The following RELN variants were observed in gnomAD, a reference collection of about 807,000 sequenced individuals.
The protein encoded by RELN is reelin.
RELN carries 108 observed loss-of-function variants against 427.6 expected under a neutral mutation model. The observed-to-expected ratio is 0.25, with a 90% CI of 0.22 to 0.30. The LOEUF (loss-of-function observed/expected upper bound fraction) is 0.30. Among genes scored for constraint, RELN ranks in the 10% least tolerant of loss-of-function variants. The pLI, the probability that RELN is intolerant of heterozygous loss-of-function variation, is 1.00. For missense variants in RELN, 3,715 were observed against 4,302.8 expected (o/e 0.86, Z 3.82); for synonymous variants, 1,524 against 1,513.4 (o/e 1.01, Z -0.16).
chr7:103,571,446 AG>A (rs1406901553), intron 31 of RELN, among the ~76,000 whole-genome samples: 3 of 152,120 alleles, frequency 2.0e-5, no homozygotes, highest in African/African-American at 4.8e-5. Flanking sequence ...GTGCCTAGGG[AG>A]GGTGGAGTTC....
intron 4 of RELN, among the ~76,000 whole-genome samples, chr7:103,762,072 C>A (rs1791315266): frequency 6.6e-6 from 1 of 152,110 alleles, no homozygotes; most frequent in Admixed American, 6.5e-5. Context: ...TCTCAGCGCC[C>A]CCCTATAGCT....
At chr7:103,918,201 C>G (rs755692760) in intron 1 of RELN, among the ~76,000 whole-genome samples, 4 of 152,112 alleles carry the variant, frequency 2.6e-5, no homozygotes, top group Non-Finnish European at 5.9e-5. Context: ...AGCCTGACAT[C>G]ATGCTACTCC....
chr7:103,743,350 C>T (rs13311448), intron 6 of RELN, among the ~76,000 whole-genome samples: 33,234 of 151,938 alleles, frequency 0.22, 4,806 homozygotes, highest in African/African-American at 0.41. Flanking sequence ...AGAAACTGCA[C>T]CAACTAACAA....
chr7:103,512,751 T>C (rs569909149), intron 50 of RELN: 20 of 152,348 alleles, frequency 1.3e-4, no homozygotes, highest in African/African-American at 4.3e-4. Flanking sequence ...TCATTCACAG[T>C]ATGCTTTGAT....
At chr7:103,722,019 AC>A (rs1466631693) in intron 8 of RELN, among the ~76,000 whole-genome samples, 3 of 152,200 alleles carry the variant, frequency 2.0e-5, no homozygotes, top group Non-Finnish European at 4.4e-5. Context: ...CATCAAAAAA[AC>A]CATTATTTTT....
chr7:103,578,248 C>T (rs1831048187), intron 28 of RELN, among the ~76,000 whole-genome samples: 1 of 151,996 alleles, frequency 6.6e-6, no homozygotes, highest in African/African-American at 2.4e-5. Context: ...CTTCTATAGA[C>T]CCAAGAAGCA....
intron 20 of RELN, among the ~76,000 whole-genome samples, chr7:103,628,579 T>A (rs1832381239): frequency 6.6e-6 from 1 of 152,192 alleles, no homozygotes; most frequent in African/African-American, 2.4e-5. Flanking sequence ...TGACTATACA[T>A]GCACAAGTCC....
At chr7:103,979,549 A>G (rs1402220062) in intron 1 of RELN, among the ~76,000 whole-genome samples, 4 of 152,216 alleles carry the variant, frequency 2.6e-5, no homozygotes, top group Admixed American at 6.5e-5. Context: ...AAATAACTCC[A>G]CAAAGGCAAG....
chr7:103,694,255 G>A (rs750826127), intron 10 of RELN, among the ~76,000 whole-genome samples: 5 of 152,176 alleles, frequency 3.3e-5, no homozygotes, highest in East Asian at 3.9e-4. Context: ...CAAGAAGCAC[G>A]TCAGTTACTC....
intron 2 of RELN, among the ~76,000 whole-genome samples, chr7:103,914,983 A>G (rs2299402): frequency 0.11 from 16,252 of 152,134 alleles, 1,756 homozygotes; most frequent in African/African-American, 0.27. Context: ...AAAACACTCA[A>G]TGCCTTTCCT....
chr7:103,689,617 G>C (rs1179651426), intron 10 of RELN, among the ~76,000 whole-genome samples: 1 of 152,070 alleles, frequency 6.6e-6, no homozygotes, highest in Non-Finnish European at 1.5e-5. Context: ...GCAGCTGCCA[G>C]ACCAATATTC....
intron 9 of RELN, among the ~76,000 whole-genome samples, chr7:103,698,817 G>A (rs1378830275): frequency 6.6e-6 from 1 of 152,098 alleles, no homozygotes; most frequent in Non-Finnish European, 1.5e-5. Context: ...GCCTGGCAAA[G>A]CTGTGATCTT....
At chr7:103,636,208 T>C in intron 18 of RELN, 27 bp downstream of exon 18, 1 of 1,436,190 alleles carries the variant, frequency 7.0e-7, no homozygotes, top group Non-Finnish European at 9.8e-7. Flanking sequence ...CTGGTTTTTG[T>C]ATGTATTCTA....
At chr7:103,762,924 C>A (rs1791338475) in intron 4 of RELN, among the ~76,000 whole-genome samples, 1 of 152,118 alleles carries the variant, frequency 6.6e-6, no homozygotes, top group Non-Finnish European at 1.5e-5. Flanking sequence ...ATAATACATG[C>A]CATTTTGAGA....
intron 8 of RELN, among the ~76,000 whole-genome samples, chr7:103,715,143 A>G (rs1396109692): frequency 6.6e-6 from 1 of 152,200 alleles, no homozygotes; most frequent in East Asian, 1.9e-4. Flanking sequence ...TTAACGAGAA[A>G]ACATATTTCA....
At chr7:103,884,079 C>G (rs1415128784) in intron 2 of RELN, among the ~76,000 whole-genome samples, 1 of 152,150 alleles carries the variant, frequency 6.6e-6, no homozygotes, top group Admixed American at 6.5e-5. Context: ...GGTACCAAAA[C>G]AGATATACAG....
At chr7:103,649,051 G>A (rs1011545896) in intron 16 of RELN, among the ~76,000 whole-genome samples, 1 of 152,062 alleles carries the variant, frequency 6.6e-6, no homozygotes, top group Admixed American at 6.6e-5. Flanking sequence ...ATGAAAACTA[G>A]AACTACCATT....
chr7:103,869,737 C>A (rs1197377423), intron 2 of RELN, among the ~76,000 whole-genome samples: 1 of 152,082 alleles, frequency 6.6e-6, no homozygotes, highest in Non-Finnish European at 1.5e-5. Flanking sequence ...TTCTTTGTGA[C>A]AAAACACTGC....
chr7:103,587,511 C>A (rs1831304109), intron 28 of RELN, among the ~76,000 whole-genome samples: 1 of 151,992 alleles, frequency 6.6e-6, no homozygotes, highest in South Asian at 2.1e-4. Flanking sequence ...CCAACAAAAA[C>A]AAAAACAGAC....
Sources: gnomAD v4.1 joint callset for allele counts (sites outside exome capture counted in the v4.1 genomes callset) on GRCh38, gnomAD v4.1.1 for gene constraint, MANE v1.5 for transcripts, NCBI Gene and HGNC (gene_info 2026-07-23, HGNC 2026-07-21) for gene names.